EPHA3: variants seen among roughly 807,000 people sequenced by gnomAD.
The protein encoded by EPHA3 is ephrin type-A receptor 3.
Under a neutral mutation model 107.1 loss-of-function variants are expected in EPHA3, and 42 were observed. The ratio of observed to expected loss-of-function variants is 0.39; its 90% CI spans 0.31 to 0.51. EPHA3 has a LOEUF of 0.51. Among genes scored for constraint, EPHA3 ranks in the 20% least tolerant of loss-of-function variants. The probability of loss-of-function intolerance (pLI) is 0.78; values close to 1 mark genes in which losing one functional copy is unlikely to be tolerated. For missense variants in EPHA3, 1,183 were observed against 1,211.2 expected (o/e 0.98, Z 0.35); for synonymous variants, 461 against 424.8 (o/e 1.09, Z -1.05).
At chr3:89,384,647 T>C (rs1457882995) in intron 5 of EPHA3, among the ~76,000 whole-genome samples, 2 of 152,224 alleles carry the variant, frequency 1.3e-5, no homozygotes, top group Non-Finnish European at 2.9e-5. Flanking sequence ...GGGTATCTTA[T>C]GTTTCAGGTA....
chr3:89,333,823 G>C (rs1415242601), intron 3 of EPHA3, among the ~76,000 whole-genome samples: 6 of 151,676 alleles, frequency 4.0e-5, no homozygotes, highest in African/African-American at 1.5e-4. Flanking sequence ...AGCAAGCCAA[G>C]ATCACGCTGC....
At chr3:89,219,767 G>C (rs1704322830) in intron 3 of EPHA3, among the ~76,000 whole-genome samples, 1 of 121,892 alleles carries the variant, frequency 8.2e-6, no homozygotes, top group Non-Finnish European at 1.7e-5. Flanking sequence ...GGAGTGCAGT[G>C]GCGGGATCTC....
chr3:89,389,773 C>T (rs376176186), intron 5 of EPHA3, among the ~76,000 whole-genome samples: 5 of 152,318 alleles, frequency 3.3e-5, no homozygotes, highest in African/African-American at 7.2e-5. Context: ...TTGTGAATGA[C>T]GCAAGTCTCA....
chr3:89,403,896 G>A (rs1448821564), intron 7 of EPHA3, among the ~76,000 whole-genome samples: 3 of 152,050 alleles, frequency 2.0e-5, no homozygotes, highest in Admixed American at 1.3e-4. Context: ...ACCTCATATA[G>A]CCTCATATAG....
chr3:89,208,324 C>T (rs1201075306), intron 2 of EPHA3, among the ~76,000 whole-genome samples: 2 of 140,292 alleles, frequency 1.4e-5, no homozygotes, highest in African/African-American at 2.6e-5. Flanking sequence ...GAGCTGAGAT[C>T]GTGCCATTGC....
intron 7 of EPHA3, among the ~76,000 whole-genome samples, chr3:89,405,536 A>C (rs1454368507): frequency 3.3e-5 from 5 of 152,166 alleles, no homozygotes; most frequent in African/African-American, 7.2e-5. Context: ...CACTCTGAGC[A>C]CTTTTCTTCA....
At chr3:89,440,831 C>T (rs755946772) in intron 13 of EPHA3, among the ~76,000 whole-genome samples, 1 of 152,186 alleles carries the variant, frequency 6.6e-6, no homozygotes, top group Non-Finnish European at 1.5e-5. Flanking sequence ...TTCTGTAAAA[C>T]TCTATAGACG....
At chr3:89,209,722 C>A in intron 2 of EPHA3, 138 bp from the exon 3 acceptor site, 1 of 705,432 alleles carries the variant, frequency 1.4e-6, no homozygotes, top group Non-Finnish European at 2.2e-6. Context: ...GAGAACCTTG[C>A]AAATAAAAAC....
At chr3:89,168,983 C>G (rs1244293002) in intron 2 of EPHA3, among the ~76,000 whole-genome samples, 1 of 152,040 alleles carries the variant, frequency 6.6e-6, no homozygotes, top group Non-Finnish European at 1.5e-5. Flanking sequence ...AGCAAATACT[C>G]AGAACACAAT....
intron 2 of EPHA3, among the ~76,000 whole-genome samples, chr3:89,135,818 AAGGGG>A (rs1704298455): frequency 6.6e-6 from 1 of 151,938 alleles, no homozygotes; most frequent in Non-Finnish European, 1.5e-5. Flanking sequence ...GATTGTTATC[AAGGGG>A]AAAAAAGTGA....
At chr3:89,453,950 C>T (rs1177510541) in intron 15 of EPHA3, among the ~76,000 whole-genome samples, 1 of 152,096 alleles carries the variant, frequency 6.6e-6, no homozygotes, top group Non-Finnish European at 1.5e-5. Flanking sequence ...CTCTCCCTGT[C>T]TCCCTCTCTC....
intron 5 of EPHA3, among the ~76,000 whole-genome samples, chr3:89,379,192 A>G (rs1220213769): frequency 6.6e-6 from 1 of 151,890 alleles, no homozygotes; most frequent in Non-Finnish European, 1.5e-5. Context: ...CAATGTTTGC[A>G]TTTCTTAATC....
chr3:89,366,620 C>T (rs1708188309), intron 5 of EPHA3, among the ~76,000 whole-genome samples: 1 of 150,454 alleles, frequency 6.6e-6, no homozygotes, highest in South Asian at 2.1e-4. Flanking sequence ...AAAATAGCAT[C>T]AAGGAAAAGA....
intron 2 of EPHA3, among the ~76,000 whole-genome samples, chr3:89,190,385 A>G (rs1174902514): frequency 6.6e-6 from 1 of 152,216 alleles, no homozygotes; most frequent in East Asian, 1.9e-4. Context: ...CAATATATCT[A>G]CCAATTAACT....
Position 89,253,717 on chromosome 3 carries a change from T to G in EPHA3, c.814+43197T>G, listed in dbSNP as rs185824466. On this transcript the variant is annotated intron_variant, in intron 3 of 16. Coordinates refer to ENST00000336596, the MANE Select transcript of EPHA3 (RefSeq NM_005233.6). ...AGCTTACACACTGAGTTTAGTCAGTTAATAAGGAAGTTTCTGACTAATAAC... is the reference window on the plus strand; with the variant it reads ...AGCTTACACACTGAGTTTAGTCAGTGAATAAGGAAGTTTCTGACTAATAAC... Among the ~76,000 whole-genome samples the G allele has an allele frequency of 3.0e-3, 458 of 152,232 alleles. 2 individuals are homozygous for G. The highest frequency in any genetic ancestry group is 0.011 in the African/African-American group (449 of 41,550).
At chr3:89,259,397 G>C (rs948603256) in intron 3 of EPHA3, among the ~76,000 whole-genome samples, 4 of 152,156 alleles carry the variant, frequency 2.6e-5, no homozygotes, top group Admixed American at 2.6e-4. Context: ...TCTTTATTTT[G>C]TTGAAGGATG....
chr3:89,194,959 C>A (rs1215421146), intron 2 of EPHA3, among the ~76,000 whole-genome samples: 2 of 152,082 alleles, frequency 1.3e-5, no homozygotes, highest in African/African-American at 4.8e-5. Flanking sequence ...CTTCTCTCAT[C>A]AGCTCATAGT....
chr3:89,329,827 C>T (rs1350987771), intron 3 of EPHA3, among the ~76,000 whole-genome samples: 1 of 151,972 alleles, frequency 6.6e-6, no homozygotes, highest in East Asian at 1.9e-4. Flanking sequence ...TTCTTCCCAC[C>T]TTCACTGGGA....
intron 15 of EPHA3, among the ~76,000 whole-genome samples, chr3:89,469,002 A>T (rs1013333884): frequency 1.2e-4 from 18 of 152,192 alleles, no homozygotes; most frequent in Non-Finnish European, 7.3e-5. Flanking sequence ...ATGAAATGTT[A>T]TATTGATATT....
Sources: allele counts gnomAD v4.1 joint callset (sites outside exome capture counted in the v4.1 genomes callset), GRCh38; gene constraint gnomAD v4.1.1; transcripts MANE v1.5; gene names NCBI Gene and HGNC (gene_info 2026-07-23, HGNC 2026-07-21).